The following NAA11 variants were observed in gnomAD, a reference collection of about 807,000 sequenced individuals.
NAA11 encodes the protein N-alpha-acetyltransferase 11.
In NAA11, 15 loss-of-function variants were observed where a neutral mutation model predicts 16.1. The ratio of observed to expected loss-of-function variants is 0.93; its 90% CI spans 0.62 to 1.44. The LOEUF (loss-of-function observed/expected upper bound fraction) is 1.44, where lower values mean the gene tolerates loss of function less well. NAA11 is among the 40% of genes most tolerant of loss of function. NAA11 has a pLI of 0.00. For missense variants in NAA11, 298 were observed against 291.3 expected (o/e 1.02, Z -0.17); for synonymous variants, 122 against 112.4 (o/e 1.09, Z -0.54).
rs746142577 is a variant in NAA11, at chr4:79,325,925, G to A, written c.-48C>T. 9.8e-6 allele frequency: 15 copies of A among 1,530,378 alleles called. No homozygotes were observed. The highest frequency in any genetic ancestry group is 3.8e-5 in the Admixed American group (2 of 53,058). The allele number at this position is 1,530,378 out of a possible 1,614,324, so 94.8% of individuals were successfully genotyped here. The stretch of plus-strand genomic sequence containing the variant: ...GTTGGACTGCAGTGAACCCAGAAGA[G>A]GCTGTCGCCGACCTTAAGGGGCACT... On this transcript the variant is annotated 5_prime_UTR_variant, in exon 1 of 2. Transcript: ENST00000286794.
intron 2 of NAA11, among the ~76,000 whole-genome samples, chr4:79,231,880 A>G (rs1258886159): frequency 6.6e-6 from 1 of 151,612 alleles, no homozygotes; most frequent in Admixed American, 6.6e-5. Context: ...AGGACAAATC[A>G]TTCATATATA....
chr4:79,270,213 T>C (rs1278250810), intron 2 of NAA11, among the ~76,000 whole-genome samples: 4 of 151,730 alleles, frequency 2.6e-5, no homozygotes, highest in African/African-American at 9.7e-5. Flanking sequence ...ATATGAACTT[T>C]AAAGTAGTTT....
chr4:79,175,743 T>TAAAAA, the NAA11 span, among the ~76,000 whole-genome samples: 1 of 123,456 alleles, frequency 8.1e-6, no homozygotes, highest in African/African-American at 3.1e-5. Flanking sequence ...GTAATCACTG[T>TAAAAA]AAAAAAAAAA....
At chr4:79,262,182 G>A (rs2109974700) in intron 2 of NAA11, among the ~76,000 whole-genome samples, 1 of 152,252 alleles carries the variant, frequency 6.6e-6, no homozygotes, top group Non-Finnish European at 1.5e-5. Context: ...TTCCAATTAT[G>A]TTAGTGGATC....
At chr4:79,313,406 G>C (rs534814838), downstream of NAA11, among the ~76,000 whole-genome samples, 2 of 152,166 alleles carry the variant, frequency 1.3e-5, no homozygotes, top group African/African-American at 2.4e-5. Flanking sequence ...GTTGGACTCC[G>C]CACTCTGTGT....
At chr4:79,243,236 A>T (rs970019200) in intron 2 of NAA11, among the ~76,000 whole-genome samples, 6 of 152,192 alleles carry the variant, frequency 3.9e-5, no homozygotes, top group Admixed American at 1.3e-4. Context: ...CATGTTCTCA[A>T]TTGGAAAAGG....
chr4:79,228,833 A>G (rs572925222), intron 2 of NAA11, among the ~76,000 whole-genome samples: 1 of 152,184 alleles, frequency 6.6e-6, no homozygotes, highest in Admixed American at 6.6e-5. Flanking sequence ...ACTTACTAGT[A>G]GAATTACTGA....
intron 1 of NAA11, among the ~76,000 whole-genome samples, chr4:79,310,626 C>T (rs1026601587): frequency 1.3e-5 from 2 of 152,290 alleles, no homozygotes; most frequent in African/African-American, 4.8e-5. Flanking sequence ...CTCAAGATGG[C>T]AGGACACCCC....
At chr4:79,203,881 CAAAAG>C in the NAA11 span, among the ~76,000 whole-genome samples, 2 of 151,406 alleles carry the variant, frequency 1.3e-5, no homozygotes, top group Non-Finnish European at 3.0e-5. Flanking sequence ...CAGGCAATCT[CAAAAG>C]AGAAAATACA....
At chr4:79,253,545 A>C (rs973358732) in intron 2 of NAA11, among the ~76,000 whole-genome samples, 1 of 152,146 alleles carries the variant, frequency 6.6e-6, no homozygotes, top group Non-Finnish European at 1.5e-5. Context: ...AGAGAAGTGA[A>C]AGAAGTGATG....
At chr4:79,181,115 G>T in the NAA11 span, among the ~76,000 whole-genome samples, 3 of 151,748 alleles carry the variant, frequency 2.0e-5, no homozygotes, top group African/African-American at 7.3e-5. Context: ...CCATTAGGAG[G>T]TATACCTAAT....
chr4:79,161,935 C>T, the NAA11 span, among the ~76,000 whole-genome samples: 6 of 152,292 alleles, frequency 3.9e-5, no homozygotes, highest in South Asian at 2.1e-4. Context: ...CCCACCTCGG[C>T]GTCCCAAAGT....
chr4:79,276,678 C>G (rs1722653226), intron 2 of NAA11, among the ~76,000 whole-genome samples: 1 of 152,120 alleles, frequency 6.6e-6, no homozygotes, highest in South Asian at 2.1e-4. Flanking sequence ...GGCACTTGTG[C>G]TTTAGTCCAA....
chr4:79,273,826 T>C (rs980641205), intron 2 of NAA11, among the ~76,000 whole-genome samples: 7 of 152,108 alleles, frequency 4.6e-5, no homozygotes, highest in Non-Finnish European at 8.8e-5. Context: ...GCAGAAATTC[T>C]TTCATCAGGC....
At chr4:79,270,812 T>C (rs1185016350) in intron 2 of NAA11, among the ~76,000 whole-genome samples, 1 of 51,514 alleles carries the variant, frequency 1.9e-5, no homozygotes, top group African/African-American at 1.4e-4. Flanking sequence ...GAAAAAGCCT[T>C]TGACAAAATT....
chr4:79,156,254 A>G, the NAA11 span, among the ~76,000 whole-genome samples: 2 of 152,134 alleles, frequency 1.3e-5, 1 homozygote, highest in Admixed American at 1.3e-4. Context: ...AAAACCTTAT[A>G]GCTTTACAGG....
At chr4:79,192,754 G>T in the NAA11 span, among the ~76,000 whole-genome samples, 2 of 150,740 alleles carry the variant, frequency 1.3e-5, no homozygotes, top group African/African-American at 2.4e-5. Flanking sequence ...GTAATGGGAT[G>T]GCTGGGTCAA....
At chr4:79,287,180 A>G (rs1183184474) in intron 2 of NAA11, among the ~76,000 whole-genome samples, 1 of 152,080 alleles carries the variant, frequency 6.6e-6, no homozygotes, top group African/African-American at 2.4e-5. Context: ...GTGTGTGTGT[A>G]TTTTTGTAAC....
In NAA11 at chr4:79,297,447, C is replaced by G. The variant is rs377755170; in HGVS notation, c.*13-3333G>C. On this transcript the variant is annotated intron_variant and NMD_transcript_variant, in intron 1 of 2. Transcript: ENST00000511542. ...TGGGCGAGAGCTCCGCCCTCCCAAA[C>G]GTAGGGCCTGGGCATCTCTGCACTT... Among the ~76,000 whole-genome samples, 549 of 152,280 alleles carry G rather than the reference C, an allele frequency of 3.6e-3. 2 individuals are homozygous for G. The highest frequency in any genetic ancestry group is 0.012 in the African/African-American group (508 of 41,568).
Sources: gnomAD v4.1 joint callset for allele counts (sites outside exome capture counted in the v4.1 genomes callset) on GRCh38, gnomAD v4.1.1 for gene constraint, MANE v1.5 for transcripts, NCBI Gene and HGNC (gene_info 2026-07-23, HGNC 2026-07-21) for gene names.